Variants in WNT7B observed in about 807,000 individuals in gnomAD.
WNT7B encodes the protein Wnt family member 7B.
A neutral mutation model predicts 38.2 loss-of-function variants in WNT7B; 19 were observed. The ratio of observed to expected loss-of-function variants is 0.50; its 90% confidence interval spans 0.35 to 0.73. The LOEUF (loss-of-function observed/expected upper bound fraction) is 0.73. WNT7B is among the 30% of genes least tolerant of loss of function. The pLI, the probability that WNT7B is intolerant of heterozygous loss-of-function variation, is 0.01. For missense variants in WNT7B, 423 were observed against 507.9 expected, an observed-to-expected ratio of 0.83 and a Z score of 1.61; for synonymous variants, 243 against 209.3, an observed-to-expected ratio of 1.16 and a Z score of -1.39.
At chr22:45,931,516 C>G in intron 2 of WNT7B, 147 bp from the exon 3 acceptor site, 1 of 1,016,654 alleles carries the variant, frequency 9.8e-7, no homozygotes. Context: ...GCCTCTGACT[C>G]ACCAAAGCGG....
intron 1 of WNT7B, among the ~76,000 whole-genome samples, chr22:45,963,887 C>T (rs1336752759): frequency 6.6e-6 from 1 of 152,170 alleles, no homozygotes; most frequent in Non-Finnish European, 1.5e-5. Context: ...CCCTGCCTGG[C>T]TCCTAAAGAT....
Position 45,976,860 on chromosome 22 carries a change from C to A in WNT7B, c.-106G>T. On this transcript the variant is annotated 5_prime_UTR_variant, in exon 1 of 4. Transcript: ENST00000339464. The surrounding 1 kb of genome is among the most constrained non-coding windows in gnomAD (Gnocchi z 8.5). ...GGGGCTGCGGGCAGACTGCGCTCAGCCCGCGCTGCGGCTCGGGCGGCCGGC... is the reference window on the plus strand; with the variant it reads ...GGGGCTGCGGGCAGACTGCGCTCAGACCGCGCTGCGGCTCGGGCGGCCGGC... 1 of 1,068,560 alleles carries A rather than the reference C, an allele frequency of 9.4e-7. No homozygotes were observed. 66.2% of individuals were successfully genotyped at this position (1,068,560 alleles called of 1,614,324 possible).
rs373142727 is a variant in WNT7B at position 45,975,476 on chromosome 22, G to A, written c.71+1208C>T. The A allele has an allele frequency of 1.0e-4, 71 of 710,162 alleles. No individual in the cohort carries two copies. In the East Asian group the frequency reaches 1.9e-3, roughly 19 times the overall value. 44.0% of individuals were successfully genotyped at this position (710,162 alleles called of 1,614,324 possible). On this transcript the variant is annotated intron_variant, in intron 1 of 3. Transcript: ENST00000339464. The surrounding 1 kb of genome is among the most constrained non-coding windows in gnomAD (Gnocchi z 6.6). ...GACCTGCAGGGCTCAGGCTAGGACG[G>A]GGGCTTCCAGTCCTGCCTCTGAAGC...
At chr22:45,929,918 ATC>A (rs1287075402) in intron 3 of WNT7B, among the ~76,000 whole-genome samples, 1 of 149,840 alleles carries the variant, frequency 6.7e-6, no homozygotes, top group Non-Finnish European at 1.5e-5. Flanking sequence ...CCATCCATCT[ATC>A]CTCCCATCCA....
chr22:45,950,643 A>G (rs1931910247), intron 1 of WNT7B, among the ~76,000 whole-genome samples: 1 of 152,236 alleles, frequency 6.6e-6, no homozygotes, highest in Non-Finnish European at 1.5e-5. Context: ...GCCGGCAGCC[A>G]AGCCCATCCG....
chr22:45,927,383 CTGCCCATCTCACTCT>C (rs1407471274), intron 3 of WNT7B: 14 of 1,509,608 alleles, frequency 9.3e-6, no homozygotes, highest in South Asian at 2.6e-5. Flanking sequence ...CCTCCAGACT[CTGCCCATCTCACTCT>C]TGCCCATCAG....
chr22:45,922,948 T>G lies in WNT7B; in HGVS notation c.958A>C (p.Lys320Gln), dbSNP rs1479607458. 1 of 1,613,368 alleles carries G rather than the reference T, an allele frequency of 6.2e-7. No individual in the cohort carries two copies. The highest frequency in any genetic ancestry group is 1.1e-5 in the South Asian group (1 of 91,086). The change falls in exon 4 of 4, where the codon AAG becomes CAG. Residue 320 changes from lysine (K) to glutamine (Q), a missense_variant. Lys to Gln is a moderately conservative substitution (Grantham distance 53). Coordinates refer to ENST00000339464, the MANE Select transcript of WNT7B (RefSeq NM_058238.3). ...AATTTGCAGTTGCACTGCCACACCT[T>G]GGTGTACTGGTGGGTGTTGTAGCCT... The part of the protein sequence containing the change: ...GRGYNTHQYT[K>Q]VWQCNCKFHW...
chr22:45,943,884 C>T (rs1931731024), intron 2 of WNT7B, among the ~76,000 whole-genome samples: 1 of 152,202 alleles, frequency 6.6e-6, no homozygotes, highest in Non-Finnish European at 1.5e-5. Context: ...CCCTGTGAGG[C>T]CGAGGGAGGG....
chr22:45,976,841 G>T lies in WNT7B; in HGVS notation c.-87C>A, dbSNP rs1173889826. ...AGGGCCGGGCAGGGGCCAGGGGGCT[G>T]CGGGCAGACTGCGCTCAGCCCGCGC... On this transcript the variant is annotated 5_prime_UTR_variant, in exon 1 of 4. Transcript: ENST00000339464. The surrounding 1 kb of genome is among the most constrained non-coding windows in gnomAD (Gnocchi z 8.5). The T allele has an allele frequency of 4.8e-6, 6 of 1,254,620 alleles. No homozygotes were observed. Among genetic ancestry groups the T allele is most frequent in the Non-Finnish European group, 6.1e-6 (6 of 976,818 alleles). 77.7% of individuals were successfully genotyped at this position (1,254,620 alleles called of 1,614,324 possible). A position where few individuals can be genotyped will look rare whatever the true frequency, so the allele number is the denominator to read the frequency against.
chr22:45,930,412 G>T (rs187407524), intron 3 of WNT7B, among the ~76,000 whole-genome samples: 11 of 152,244 alleles, frequency 7.2e-5, no homozygotes, highest in Non-Finnish European at 1.3e-4. Context: ...CCGGCTGGGC[G>T]TTCCACTTGG....
intron 3 of WNT7B, among the ~76,000 whole-genome samples, chr22:45,929,962 A>ATCTACCCACCCATGCATCCACTCATACG (rs1931281383): frequency 6.7e-6 from 1 of 149,516 alleles, no homozygotes; most frequent in African/African-American, 2.5e-5. Flanking sequence ...CCACTCATAC[A>ATCTACCCACCCATGCATCCACTCATACG]TCTATCCATC....
At chr22:45,936,044 T>C (rs982553138) in intron 2 of WNT7B, 21 of 985,178 alleles carry the variant, frequency 2.1e-5, no homozygotes, top group African/African-American at 3.5e-5. Context: ...GCAGTATCCC[T>C]AGAAAATGCC....
rs1377090315 is a variant in WNT7B at position 45,966,364 on chromosome 22, C to T, written c.71+10320G>A. Among the ~76,000 whole-genome samples, 2 of 152,252 alleles carry T rather than the reference C, an allele frequency of 1.3e-5. No individual in the cohort carries two copies. The highest frequency in any genetic ancestry group is 2.4e-5 in the African/African-American group (1 of 41,470). On this transcript the variant is annotated intron_variant, in intron 1 of 3. Transcript: ENST00000339464. The surrounding 1 kb of genome is among the most constrained non-coding windows in gnomAD (Gnocchi z 4.2). ...CCTGGCCACGCCAATACCCACTGCG[C>T]GGAGGCCAGCTGAGACACCACCAGT...
At chr22:45,960,485 G>A (rs921585934) in intron 1 of WNT7B, among the ~76,000 whole-genome samples, 1 of 152,008 alleles carries the variant, frequency 6.6e-6, no homozygotes, top group African/African-American at 2.4e-5. Flanking sequence ...CCAGCTGAGG[G>A]AGCATGGGCA....
At chr22:45,956,918 C>T (rs553594805) in intron 1 of WNT7B, among the ~76,000 whole-genome samples, 55 of 151,998 alleles carry the variant, frequency 3.6e-4, no homozygotes, top group Admixed American at 9.8e-4. Context: ...CCATCCTGGC[C>T]AACACGGTGA....
At chr22:45,971,414 CCTGGGCTCA>C (rs1932435660) in intron 1 of WNT7B, among the ~76,000 whole-genome samples, 2 of 152,226 alleles carry the variant, frequency 1.3e-5, no homozygotes, top group African/African-American at 2.4e-5. Flanking sequence ...CTGCGCGCCC[CCTGGGCTCA>C]CTGGGCTGGA....
chr22:45,922,786 G>A lies in WNT7B; in HGVS notation c.*70C>T. ...CTGCTGCTGGCAGCACCAAGGCAGG[G>A]AAGGTGAGGAGTGGATGTGCAAAAT... is the stretch of plus-strand genomic sequence containing the variant. On this transcript the variant is annotated 3_prime_UTR_variant, in exon 4 of 4. Transcript: ENST00000339464. 1 of 1,542,538 alleles carries A rather than the reference G, an allele frequency of 6.5e-7. No individual in the cohort carries two copies. The highest frequency in any genetic ancestry group is 1.4e-5 in the African/African-American group (1 of 73,516).
intron 2 of WNT7B, among the ~76,000 whole-genome samples, chr22:45,934,229 CG>C (rs1931454905): frequency 1.3e-5 from 2 of 152,228 alleles, no homozygotes; most frequent in Middle Eastern, 3.4e-3. Context: ...TGCCTGGGGT[CG>C]GGGGCCCTGG....
At chr22:45,939,980 C>A (rs1369358085) in intron 2 of WNT7B, among the ~76,000 whole-genome samples, 5 of 152,156 alleles carry the variant, frequency 3.3e-5, no homozygotes, top group African/African-American at 1.2e-4. Flanking sequence ...GGCGAGAGGA[C>A]TGGGACTGAT....
Sources: allele counts gnomAD v4.1 joint callset (sites outside exome capture counted in the v4.1 genomes callset), GRCh38; gene constraint gnomAD v4.1.1; non-coding constraint Gnocchi (gnomAD v3.1); transcripts MANE v1.5; gene names NCBI Gene and HGNC (gene_info 2026-07-23, HGNC 2026-07-21).